The following FSIP1 variants were observed in gnomAD, a reference collection of about 807,000 sequenced individuals.
The protein encoded by FSIP1 is fibrous sheath interacting protein 1, also known as fibrous sheath-interacting protein 1.
FSIP1 carries 65 observed loss-of-function variants against 60.9 expected under a neutral mutation model. The observed-to-expected ratio is 1.07, with a 90% confidence interval of 0.87 to 1.31. FSIP1 has a LOEUF of 1.31. FSIP1 is among the 40% of genes most tolerant of loss of function. The pLI is 0.00. For synonymous variants in FSIP1, 209 were observed against 221.2 expected (o/e 0.94, Z 0.49); for missense variants, 675 against 665.5 (o/e 1.01, Z -0.16).
intron 11 of FSIP1, among the ~76,000 whole-genome samples, chr15:39,610,057 T>C (rs1890970187): frequency 6.6e-6 from 1 of 152,046 alleles, no homozygotes; most frequent in Admixed American, 6.6e-5. Flanking sequence ...CAACAAGGTT[T>C]AGAAAGAATC....
intron 10 of FSIP1, among the ~76,000 whole-genome samples, chr15:39,662,771 T>C (rs1225932887): frequency 6.6e-6 from 1 of 151,276 alleles, no homozygotes. Context: ...TAAAAGAAAG[T>C]CCATTAATTT....
intron 7 of FSIP1, among the ~76,000 whole-genome samples, chr15:39,738,799 A>G (rs1896704995): frequency 6.6e-6 from 1 of 152,242 alleles, no homozygotes; most frequent in South Asian, 2.1e-4. Flanking sequence ...GAAGAAGATC[A>G]TATGAATGTG....
intron 10 of FSIP1, among the ~76,000 whole-genome samples, chr15:39,709,180 T>C (rs1428083305): frequency 6.6e-6 from 1 of 152,200 alleles, no homozygotes; most frequent in African/African-American, 2.4e-5. Flanking sequence ...CTTAGCTCAC[T>C]CTTTCTTCTC....
chr15:39,715,020 A>C (rs902765190), intron 9 of FSIP1, among the ~76,000 whole-genome samples: 2 of 149,862 alleles, frequency 1.3e-5, no homozygotes, highest in Admixed American at 1.3e-4. Flanking sequence ...ACTGAAGCAC[A>C]CCTACTTGAG....
At chr15:39,711,443 G>A (rs1180190299) in intron 10 of FSIP1, among the ~76,000 whole-genome samples, 1 of 152,024 alleles carries the variant, frequency 6.6e-6, no homozygotes, top group African/African-American at 2.4e-5. Context: ...GGGATTCTGA[G>A]GGGTCACAAA....
chr15:39,754,285 G>A (rs973553596), intron 5 of FSIP1, among the ~76,000 whole-genome samples: 4 of 151,986 alleles, frequency 2.6e-5, no homozygotes, highest in African/African-American at 4.8e-5. Flanking sequence ...CTGTAGCCCC[G>A]GCAACCATTT....
chr15:39,702,419 C>A (rs61694079), intron 10 of FSIP1, among the ~76,000 whole-genome samples: 1,069 of 10,930 alleles, frequency 0.098, 67 homozygotes, highest in African/African-American at 0.18. Flanking sequence ...CTCAGCCATG[C>A]TTTTAAAACT....
intron 10 of FSIP1, among the ~76,000 whole-genome samples, chr15:39,642,716 TG>T (rs1404059257): frequency 6.6e-6 from 1 of 152,240 alleles, no homozygotes; most frequent in African/African-American, 2.4e-5. Context: ...AAAGTTTTTT[TG>T]TTTGTTTTGT....
intron 10 of FSIP1, among the ~76,000 whole-genome samples, chr15:39,703,651 T>C (rs1006458868): frequency 2.6e-5 from 4 of 152,218 alleles, no homozygotes; most frequent in African/African-American, 4.8e-5. Context: ...ACCTAGATGA[T>C]GGGTTGATAG....
intron 11 of FSIP1, among the ~76,000 whole-genome samples, chr15:39,603,756 G>T (rs1314289009): frequency 6.6e-6 from 1 of 152,116 alleles, no homozygotes; most frequent in Non-Finnish European, 1.5e-5. Context: ...ACATTCAGCA[G>T]ATGGGAAAAA....
intron 8 of FSIP1, among the ~76,000 whole-genome samples, chr15:39,726,971 AT>A (rs1348626026): frequency 7.9e-5 from 12 of 152,156 alleles, no homozygotes; most frequent in Admixed American, 7.2e-4. Context: ...ATCCTCTAAT[AT>A]TTTAAGGGGG....
At chr15:39,775,592 T>C (rs1365625009) in intron 2 of FSIP1, among the ~76,000 whole-genome samples, 1 of 152,166 alleles carries the variant, frequency 6.6e-6, no homozygotes, top group Admixed American at 6.5e-5. Flanking sequence ...TCATGTCGAA[T>C]TGTAATTCCC....
intron 11 of FSIP1, among the ~76,000 whole-genome samples, chr15:39,603,899 T>G (rs776209752): frequency 1.3e-4 from 20 of 152,196 alleles, no homozygotes; most frequent in Non-Finnish European, 2.4e-4. Context: ...CGGGGTATCT[T>G]AAAATTCAGG....
chr15:39,691,114 C>T (rs764830230), intron 10 of FSIP1, among the ~76,000 whole-genome samples: 3 of 152,230 alleles, frequency 2.0e-5, no homozygotes, highest in Non-Finnish European at 2.9e-5. Flanking sequence ...AATTTCCTGT[C>T]ACTCTTCTCC....
chr15:39,625,870 G>C (rs1891619037), intron 10 of FSIP1, among the ~76,000 whole-genome samples: 1 of 152,214 alleles, frequency 6.6e-6, no homozygotes, highest in African/African-American at 2.4e-5. Context: ...AGTAGATCCA[G>C]TTTGTTACTT....
intron 10 of FSIP1, among the ~76,000 whole-genome samples, chr15:39,664,430 C>T (rs1035806241): frequency 6.6e-6 from 1 of 152,148 alleles, no homozygotes; most frequent in East Asian, 1.9e-4. Context: ...TATTTATTTA[C>T]AGCCAAGCCA....
intron 8 of FSIP1, 105 bp from the exon 9 acceptor site, chr15:39,726,852 AAC>A (rs3065147): frequency 0.054 from 29,704 of 546,610 alleles, 1 homozygote; most frequent in Middle Eastern, 0.063. Context: ...TACACACACA[AAC>A]ACACACACAC....
In FSIP1 at chr15:39,726,625, G is replaced by A. The variant is rs750659046; in HGVS notation, c.1014C>T (p.Ser338=). ...GATTTTCAAGTCTTGGAGAAAAACT[G>A]GAAATTGTAGGGGAGGCTGCAGAGA... The part of the protein sequence containing the change: ...QELSAASPTI[S]SFSPRLENRN... Residue 338 remains serine, a synonymous_variant, in exon 9 of 12, where the codon TCC becomes TCT. Transcript: ENST00000350221. 46 of 1,613,974 alleles carry A rather than the reference G, an allele frequency of 2.9e-5. No individual in the cohort carries two copies. Among genetic ancestry groups the A allele is most frequent in the Non-Finnish European group, 3.4e-5 (40 of 1,180,014 alleles).
intron 9 of FSIP1, among the ~76,000 whole-genome samples, chr15:39,724,604 C>A (rs1486791706): frequency 1.3e-5 from 2 of 152,192 alleles, no homozygotes; most frequent in African/African-American, 2.4e-5. Flanking sequence ...TCTCTGAATT[C>A]TCTGTCTCTT....
Sources: allele counts gnomAD v4.1 joint callset (sites outside exome capture counted in the v4.1 genomes callset), GRCh38; gene constraint gnomAD v4.1.1; transcripts MANE v1.5; gene names NCBI Gene and HGNC (gene_info 2026-07-23, HGNC 2026-07-21).